Variants in SENP7 observed in about 807,000 individuals in gnomAD.
SENP7 encodes SUMO specific peptidase 7.
A neutral mutation model predicts 141.2 loss-of-function variants in SENP7; 64 were observed. The ratio of observed to expected loss-of-function variants is 0.45; its 90% CI spans 0.37 to 0.56. The LOEUF (loss-of-function observed/expected upper bound fraction) is 0.56. Ranked by LOEUF, SENP7 falls within the 20% of genes least tolerant of loss-of-function variation. SENP7 has a pLI of 0.00. For missense variants in SENP7, 1,025 were observed against 1,212.2 expected (o/e 0.85, Z 2.29); for synonymous variants, 382 against 426.4 (o/e 0.90, Z 1.28).
At chr3:101,412,787 G>A (rs1280867624) in intron 5 of SENP7, among the ~76,000 whole-genome samples, 1 of 151,958 alleles carries the variant, frequency 6.6e-6, no homozygotes, top group Admixed American at 6.6e-5. Flanking sequence ...ATAGATGTCT[G>A]GAATTTTCTC....
At chr3:101,449,538 G>A (rs1438804966) in intron 4 of SENP7, among the ~76,000 whole-genome samples, 1 of 152,188 alleles carries the variant, frequency 6.6e-6, no homozygotes, top group Non-Finnish European at 1.5e-5. Flanking sequence ...AAACTCTACA[G>A]GCCAGAAGAG....
At chr3:101,387,841 G>A (rs148227886) in intron 6 of SENP7, among the ~76,000 whole-genome samples, 142 of 152,300 alleles carry the variant, frequency 9.3e-4, no homozygotes, top group Non-Finnish European at 1.6e-3. Context: ...CACTGCCAAT[G>A]AGCACATGTA....
At chr3:101,468,807 G>T (rs2063862382) in intron 3 of SENP7, among the ~76,000 whole-genome samples, 1 of 152,046 alleles carries the variant, frequency 6.6e-6, no homozygotes, top group African/African-American at 2.4e-5. Flanking sequence ...AAATTAACGG[G>T]CAAAATAACC....
chr3:101,471,732 A>T (rs145595169), intron 3 of SENP7, among the ~76,000 whole-genome samples: 9 of 152,370 alleles, frequency 5.9e-5, no homozygotes, highest in African/African-American at 2.2e-4. Flanking sequence ...AGAATGGGAG[A>T]AAATTTTTAC....
intron 6 of SENP7, among the ~76,000 whole-genome samples, chr3:101,373,709 G>T (rs1006927719): frequency 6.6e-6 from 1 of 152,142 alleles, no homozygotes; most frequent in East Asian, 1.9e-4. Context: ...TTTTCAAAAG[G>T]TAATGTCATA....
chr3:101,397,080 T>C (rs2060990661), intron 6 of SENP7, among the ~76,000 whole-genome samples: 1 of 152,178 alleles, frequency 6.6e-6, no homozygotes, highest in Admixed American at 6.5e-5. Context: ...TGACCTCAGA[T>C]GATCCACCCG....
At chr3:101,398,675 G>A (rs2061043141) in intron 6 of SENP7, among the ~76,000 whole-genome samples, 186 bp downstream of exon 6, 1 of 152,096 alleles carries the variant, frequency 6.6e-6, no homozygotes, top group Non-Finnish European at 1.5e-5. Flanking sequence ...CAGTGCTTCT[G>A]AAACACATTA....
intron 4 of SENP7, among the ~76,000 whole-genome samples, chr3:101,428,644 G>A (rs776658676): frequency 1.8e-4 from 27 of 152,134 alleles, no homozygotes; most frequent in Non-Finnish European, 3.8e-4. Flanking sequence ...CCATTCCATA[G>A]GTTGCCTGTT....
chr3:101,458,054 T>A (rs1197111357), intron 4 of SENP7, among the ~76,000 whole-genome samples: 1 of 152,186 alleles, frequency 6.6e-6, no homozygotes, highest in Non-Finnish European at 1.5e-5. Context: ...GAAAACTGAG[T>A]GTGTGCTTGT....
At chr3:101,366,950 G>T (rs997871571) in intron 8 of SENP7, among the ~76,000 whole-genome samples, 181 bp from the exon 9 acceptor site, 7 of 152,030 alleles carry the variant, frequency 4.6e-5, no homozygotes, top group Non-Finnish European at 7.4e-5. Context: ...TACAGGATTT[G>T]GTCTGTCCAA....
In SENP7 at chr3:101,328,543, T is replaced by C. The variant is rs748877816; in HGVS notation, c.2799A>G (p.Pro933=). The C allele has an allele frequency of 2.7e-5, 44 of 1,612,222 alleles. No individual in the cohort carries two copies. Among genetic ancestry groups the C allele is most frequent in the Non-Finnish European group, 3.6e-5 (42 of 1,178,840 alleles). ...MSVPKKMCKR[P]CILILDSLKA... is the part of the protein sequence containing the mutation. ...TCAAGGAGTCTAGTATAAGAATACA[T>C]GGCCTATGAAAAGCAAAGGACAAAA... The change falls in exon 22 of 24, where the codon CCA becomes CCG. Residue 933 remains proline, a synonymous_variant. Transcript: ENST00000394095.
At chr3:101,429,941 T>C (rs976197364) in intron 4 of SENP7, among the ~76,000 whole-genome samples, 1 of 152,248 alleles carries the variant, frequency 6.6e-6, no homozygotes, top group African/African-American at 2.4e-5. Flanking sequence ...TCTATTGAGA[T>C]AATCATGTGG....
chr3:101,339,572 G>T (rs1324848790), intron 16 of SENP7, among the ~76,000 whole-genome samples: 1 of 152,050 alleles, frequency 6.6e-6, no homozygotes, highest in African/African-American at 2.4e-5. Context: ...ACAAAAATTA[G>T]CCGGGCGTGG....
rs193243719 is a variant in SENP7 at position 101,339,042 on chromosome 3, G to A, written c.2357+1053C>T. Among the ~76,000 whole-genome samples, 13 of 152,306 alleles carry A rather than the reference G, an allele frequency of 8.5e-5. No individual in the cohort carries two copies. In the East Asian group the frequency reaches 2.5e-3, roughly 29 times the overall value. ...CAGTCAATTGAACCCAGAACTGACA[G>A]AGTTGTTAGAATTAGCAGAAAATAA... is the stretch of plus-strand genomic sequence containing the variant. On this transcript the variant is annotated intron_variant, in intron 16 of 23. Transcript: ENST00000394095.
At chr3:101,452,254 A>G (rs2063168622) in intron 4 of SENP7, among the ~76,000 whole-genome samples, 1 of 152,240 alleles carries the variant, frequency 6.6e-6, no homozygotes, top group Non-Finnish European at 1.5e-5. Context: ...GCTCATGGGT[A>G]GGAAGAATCA....
At chr3:101,387,328 C>G (rs1159934786) in intron 6 of SENP7, among the ~76,000 whole-genome samples, 2 of 152,122 alleles carry the variant, frequency 1.3e-5, no homozygotes, top group East Asian at 3.9e-4. Flanking sequence ...ACCAACATCA[C>G]AGGCAGCATG....
intron 3 of SENP7, among the ~76,000 whole-genome samples, chr3:101,462,348 C>T (rs773575727): frequency 3.3e-5 from 5 of 151,936 alleles, no homozygotes. Flanking sequence ...TTGAGACCAG[C>T]CTGACCAACA....
chr3:101,480,844 T>G (rs932300366), intron 3 of SENP7, among the ~76,000 whole-genome samples: 1 of 151,450 alleles, frequency 6.6e-6, no homozygotes, highest in Non-Finnish European at 1.5e-5. Flanking sequence ...TTAAAAGACA[T>G]ACAAATGGCC....
intron 1 of SENP7, among the ~76,000 whole-genome samples, chr3:101,511,649 C>A (rs1448728411): frequency 6.6e-6 from 1 of 152,090 alleles, no homozygotes; most frequent in Non-Finnish European, 1.5e-5. Flanking sequence ...CCAAGAACAT[C>A]GATAACATTG....
Sources: allele counts gnomAD v4.1 joint callset (sites outside exome capture counted in the v4.1 genomes callset), GRCh38; gene constraint gnomAD v4.1.1; transcripts MANE v1.5; gene names NCBI Gene and HGNC (gene_info 2026-07-23, HGNC 2026-07-21).